Variants in ANKRD35 observed in about 807,000 individuals in gnomAD.
ANKRD35 encodes the protein ankyrin repeat domain 35, also known as ankyrin repeat domain-containing protein 35.
Under a neutral mutation model 109.9 loss-of-function variants are expected in ANKRD35, and 102 were observed. The observed-to-expected ratio is 0.93, with a 90% CI of 0.79 to 1.09. The LOEUF is 1.09. Ranked by LOEUF, ANKRD35 falls within the 50% of genes least tolerant of loss-of-function variation. The pLI is 0.00. For synonymous variants in ANKRD35, 515 were observed against 512.4 expected (o/e 1.01, Z -0.07); for missense variants, 1,240 against 1,230.1 (o/e 1.01, Z -0.12).
intron 4 of ANKRD35, 66 bp from the exon 5 acceptor site, chr1:145,876,939 T>A: frequency 6.5e-7 from 1 of 1,537,368 alleles, no homozygotes. Context: ...CATACCCCCA[T>A]TGGGTCACCA....
chr1:145,874,524 GGAAA>G (rs1258648006), intron 8 of ANKRD35, among the ~76,000 whole-genome samples: 2 of 152,194 alleles, frequency 1.3e-5, no homozygotes, highest in Non-Finnish European at 2.9e-5. Context: ...ATCTGGTAGA[GGAAA>G]GAGAGAGTGA....
chr1:145,875,539 C>G (rs1445155450), intron 7 of ANKRD35, among the ~76,000 whole-genome samples: 2 of 151,750 alleles, frequency 1.3e-5, no homozygotes, highest in African/African-American at 2.4e-5. Flanking sequence ...CTCTGTATAT[C>G]AAGGTTCTAC....
Position 145,872,023 on chromosome 1 carries a change from T to C in ANKRD35, c.2746A>G (p.Met916Val), listed in dbSNP as rs782132813. The stretch of plus-strand genomic sequence containing the variant: ...CGGCAAGCCCCAATGAGATGCTCCA[T>C]CTTCTCTTTCAGCAGCTCTGCCGTT... ...EKTAELLKEK[M>V]EHLIGACRDK... The change falls in exon 10 of 14, where the codon ATG (methionine) becomes GTG (valine). Residue 916 changes from methionine to valine, a missense_variant. Physicochemically the swap from Met to Val is conservative, Grantham distance 21. Coordinates refer to ENST00000355594, the MANE Select transcript of ANKRD35 (RefSeq NM_144698.5). The C allele has an allele frequency of 1.2e-6, 2 of 1,613,238 alleles. No homozygotes were observed. Among genetic ancestry groups the C allele is most frequent in the Non-Finnish European group, 1.7e-6 (2 of 1,179,954 alleles).
chr1:145,884,032 A>C (rs587672531), intron 1 of ANKRD35, among the ~76,000 whole-genome samples: 2 of 152,316 alleles, frequency 1.3e-5, no homozygotes, highest in South Asian at 4.1e-4. Context: ...GATGGTTCCA[A>C]ATTCCAAAAG....
At chr1:145,879,815 G>A (rs1181544942) in intron 1 of ANKRD35, among the ~76,000 whole-genome samples, 6 of 152,040 alleles carry the variant, frequency 3.9e-5, no homozygotes, top group African/African-American at 9.7e-5. Context: ...TCTCACCACC[G>A]CCTCCACCCC....
At chr1:145,870,179 G>A (rs587664512) in intron 10 of ANKRD35, among the ~76,000 whole-genome samples, 53 of 148,534 alleles carry the variant, frequency 3.6e-4, no homozygotes, top group Non-Finnish European at 5.6e-4. Context: ...CAAGCTCCAC[G>A]TCCCGGGCTC....
chr1:145,876,262 G>A lies in ANKRD35; in HGVS notation c.454-16C>T, dbSNP rs782305714. 1.2e-6 allele frequency: 2 copies of A among 1,603,254 alleles called. No homozygotes were observed. The highest frequency in any genetic ancestry group is 3.4e-5 in the Admixed American group (2 of 59,640). ...TACGTCCATCCTGCACAGATTGTAG[G>A]AAGAGGTTCATGAGCAGCCAGGGAC... On this transcript the variant is annotated splice_polypyrimidine_tract_variant and intron_variant, in intron 6 of 13. Transcript: ENST00000355594.
At chr1:145,878,997 G>C (rs1207636146) in intron 2 of ANKRD35, among the ~76,000 whole-genome samples, 3 of 152,174 alleles carry the variant, frequency 2.0e-5, no homozygotes, top group East Asian at 1.9e-4. Flanking sequence ...TTCATTTTCT[G>C]TTTGTTTAAT....
chr1:145,869,526 A>G (rs1005888610), intron 10 of ANKRD35, among the ~76,000 whole-genome samples: 7 of 151,926 alleles, frequency 4.6e-5, no homozygotes, highest in Admixed American at 6.6e-5. Context: ...CCCAGGCTGG[A>G]GTGCAGTGAT....
chr1:145,878,032 C>T lies in ANKRD35; in HGVS notation c.260G>A (p.Gly87Glu), dbSNP rs1553740453. 2 of 1,613,784 alleles carry T rather than the reference C, an allele frequency of 1.2e-6. No homozygotes were observed. The highest frequency in any genetic ancestry group is 2.2e-5 in the East Asian group (1 of 44,894). The part of the protein sequence containing the change: ...GADINSKNED[G>E]STALHLATIS... ...GGTGGCCAAGTGTAGGGCAGTGCTT[C>T]CTGGAACAGAAAGAAGGGGAGAAGG... Residue 87 changes from glycine (G) to glutamate (E), a missense_variant and splice_region_variant, in exon 4 of 14, where the codon GGA becomes GAA. Physicochemically the swap from Gly to Glu is moderately conservative, Grantham distance 98. Transcript: ENST00000355594.
chr1:145,885,638 A>G, intron 1 of ANKRD35, 82 bp downstream of exon 1: 1 of 1,439,378 alleles, frequency 6.9e-7, no homozygotes, highest in Non-Finnish European at 9.8e-7. Context: ...AAAGGCGATG[A>G]TGCATTGAGA....
intron 13 of ANKRD35, among the ~76,000 whole-genome samples, chr1:145,867,037 C>A (rs1193341770): frequency 6.6e-6 from 1 of 152,112 alleles, no homozygotes; most frequent in African/African-American, 2.4e-5. Context: ...CTCCCTACCC[C>A]AGACCCAACC....
chr1:145,868,172 C>T (rs1653674372), intron 11 of ANKRD35, 116 bp from the exon 12 acceptor site: 11 of 1,444,806 alleles, frequency 7.6e-6, no homozygotes, highest in Non-Finnish European at 1.1e-5. Context: ...ATCACTGGCC[C>T]ATCCTGGACC....
At chr1:145,871,940 A>C in intron 10 of ANKRD35, 42 bp downstream of exon 10, 1 of 1,599,006 alleles carries the variant, frequency 6.3e-7, no homozygotes, top group East Asian at 2.2e-5. Context: ...AAATACACAG[A>C]AACTTTCCCC....
intron 4 of ANKRD35, among the ~76,000 whole-genome samples, 173 bp from the exon 5 acceptor site, chr1:145,877,046 T>C (rs1164306471): frequency 6.6e-6 from 1 of 152,156 alleles, no homozygotes; most frequent in African/African-American, 2.4e-5. Context: ...ATAGGCAGCC[T>C]TGAATATCAG....
rs1553739613 is a variant in ANKRD35, at chr1:145,874,135, G to A, written c.783+20C>T. ...CTGGGGTGTGTCAAAAGCAAAAGGG[G>A]GAGGCACTTAGGGTCTTACCTGGGA... On this transcript the variant is annotated intron_variant, in intron 9 of 13. Transcript: ENST00000355594. 1.2e-6 allele frequency: 2 copies of A among 1,614,106 alleles called. No individual in the cohort carries two copies.
chr1:145,867,285 A>G lies in ANKRD35; in HGVS notation c.*43+2T>C, dbSNP rs902268459. The stretch of plus-strand genomic sequence containing the variant: ...CCTCATCACCCTTAACCCACAACTC[A>G]CAACAGAGAATCTCGTATCCCTGAG... On this transcript the variant is annotated splice_donor_variant, in intron 13 of 13. Transcript: ENST00000355594. LOFTEE classifies it low-confidence loss of function (3UTR_SPLICE). 8.8e-6 allele frequency: 14 copies of G among 1,583,340 alleles called. No homozygotes were observed. The highest frequency in any genetic ancestry group is 1.1e-5 in the Non-Finnish European group (13 of 1,152,918).
chr1:145,885,828 A>C lies in ANKRD35; in HGVS notation c.-70T>G. On this transcript the variant is annotated 5_prime_UTR_variant, in exon 1 of 14. Coordinates refer to ENST00000355594, the MANE Select transcript of ANKRD35 (RefSeq NM_144698.5). ...GGCCACAGGTTCCCGAACCCACCGG[A>C]CTTGGCTGCGGCTGTGCAAGAGACA... is the stretch of plus-strand genomic sequence containing the variant. 1 of 1,239,830 alleles carries C rather than the reference A, an allele frequency of 8.1e-7. No homozygotes were observed. Among genetic ancestry groups the C allele is most frequent in the Non-Finnish European group, 1.2e-6 (1 of 843,938 alleles). The allele number at this position is 1,239,830 out of a possible 1,614,324, so 76.8% of individuals were successfully genotyped here. A position where few individuals can be genotyped will look rare whatever the true frequency, so the allele number is the denominator to read the frequency against.
At chr1:145,885,005 G>C (rs931372752) in intron 1 of ANKRD35, among the ~76,000 whole-genome samples, 1 of 152,174 alleles carries the variant, frequency 6.6e-6, no homozygotes, top group African/African-American at 2.4e-5. Flanking sequence ...GCAGGCAGGA[G>C]GAAAAGTGGG....
Sources: gnomAD v4.1 joint callset for allele counts (sites outside exome capture counted in the v4.1 genomes callset) on GRCh38, gnomAD v4.1.1 for gene constraint, MANE v1.5 for transcripts, NCBI Gene and HGNC (gene_info 2026-07-23, HGNC 2026-07-21) for gene names.